EIF2AK2: variants seen among roughly 807,000 people sequenced by gnomAD.
EIF2AK2 encodes the protein interferon-induced, double-stranded RNA-activated protein kinase.
In EIF2AK2, 40 loss-of-function variants were observed where a neutral mutation model predicts 70.5. That is an observed-to-expected ratio of 0.57 (90% CI 0.44 to 0.74). The LOEUF (loss-of-function observed/expected upper bound fraction) is 0.74. EIF2AK2 is among the 30% of genes least tolerant of loss of function. The probability of loss-of-function intolerance (pLI) is 0.00; values close to 1 mark genes in which losing one functional copy is unlikely to be tolerated. For synonymous variants in EIF2AK2, 198 were observed against 220.9 expected, an observed-to-expected ratio of 0.90 and a Z score of 0.92; for missense variants, 555 against 644.3, an observed-to-expected ratio of 0.86 and a Z score of 1.50.
rs147346283 is a variant in EIF2AK2, at chr2:37,155,356, G to A, written c.-184+1552C>T. 1.0e-2 allele frequency among the ~76,000 whole-genome samples: 1,518 copies of A among 152,292 alleles called. 30 individuals are homozygous for A. The highest frequency in any genetic ancestry group is 0.034 in the African/African-American group (1,426 of 41,558). ...ATGAATTACTACAGGTAAGGGACCA[G>A]GCTCAATAATGAATGAGTGAGTACC... On this transcript the variant is annotated intron_variant, in intron 1 of 16. Transcript: ENST00000233057.
chr2:37,148,257 ACTACATGTTT>A (rs1675623417), intron 2 of EIF2AK2, among the ~76,000 whole-genome samples: 1 of 152,214 alleles, frequency 6.6e-6, no homozygotes, highest in African/African-American at 2.4e-5. Context: ...CTGAGTATCA[ACTACATGTTT>A]GCCTACCTGC....
intron 4 of EIF2AK2, 46 bp downstream of exon 4, chr2:37,146,807 T>C (rs1293862989): frequency 6.3e-6 from 10 of 1,587,126 alleles, no homozygotes; most frequent in African/African-American, 2.8e-5. Flanking sequence ...AAACAGAAAA[T>C]GTATTTGCAA....
chr2:37,139,869 TTAGA>T (rs1675268615), intron 5 of EIF2AK2, 112 bp from the exon 6 acceptor site: 1 of 1,088,366 alleles, frequency 9.2e-7, no homozygotes, highest in Non-Finnish European at 1.3e-6. Context: ...CACCAATTTA[TTAGA>T]TAGATTTATA....
At position 37,128,903 on chromosome 2, in the gene EIF2AK2, G is replaced by A. The variant is rs371429890; in HGVS notation, c.786-2492C>T. Among the ~76,000 whole-genome samples, 33 of 152,254 alleles carry A rather than the reference G, an allele frequency of 2.2e-4. No homozygotes were observed. In the East Asian group the frequency reaches 4.8e-3, roughly 22 times the overall value. ...AAATGCCCATAAGGCAGTTAATTAT[G>A]AAAAGCTCAGAGAAATTACACAAGA... On this transcript the variant is annotated intron_variant, in intron 10 of 16. Transcript: ENST00000233057.
At position 37,104,921 on chromosome 2, in the gene EIF2AK2, G is replaced by A. The variant is rs1673917151; in HGVS notation, c.*2352C>T. The A allele has an allele frequency of 6.6e-6, 1 of 152,220 alleles. No homozygotes were observed. The highest frequency in any genetic ancestry group is 2.1e-4 in the South Asian group (1 of 4,834). 9.4% of individuals were successfully genotyped at this position (152,220 alleles called of 1,614,324 possible). On this transcript the variant is annotated 3_prime_UTR_variant, in exon 17 of 17. Transcript: ENST00000233057. ...TGCTAAATTGAATCACTTGGTTATT[G>A]TGGTGACCATTGTAAAGGTACATTT...
In EIF2AK2 at chr2:37,141,583, T is replaced by G; in HGVS notation, c.359A>C (p.Gln120Pro). ...QKKRLTVNYE[Q>P]CASGVHGPEG... ...TGGCCCATGCACCCCCGATGCACAC[T>G]GTTCATAATTTACAGTTAGTCTTTT... Residue 120 changes from glutamine (Q) to proline (P), a missense_variant, in exon 5 of 17, where the codon CAG becomes CCG. Gln to Pro is a moderately conservative substitution (Grantham distance 76, BLOSUM62 -1). Transcript: ENST00000233057. 1 of 1,614,038 alleles carries G rather than the reference T, an allele frequency of 6.2e-7. No individual in the cohort carries two copies. Among genetic ancestry groups the G allele is most frequent in the Non-Finnish European group, 8.5e-7 (1 of 1,179,990 alleles).
intron 2 of EIF2AK2, chr2:37,148,533 A>G: frequency 1.5e-6 from 1 of 685,200 alleles, no homozygotes; most frequent in Non-Finnish European, 2.7e-6. Flanking sequence ...ATCAACAATG[A>G]TGGATCGATA....
chr2:37,121,954 T>G (rs181723425), intron 12 of EIF2AK2, among the ~76,000 whole-genome samples: 1 of 152,196 alleles, frequency 6.6e-6, no homozygotes, highest in Non-Finnish European at 1.5e-5. Flanking sequence ...TCCAGTTGTT[T>G]GGCAATGGCT....
At chr2:37,154,653 C>T (rs958520268) in intron 1 of EIF2AK2, among the ~76,000 whole-genome samples, 13 of 152,040 alleles carry the variant, frequency 8.6e-5, no homozygotes, top group Non-Finnish European at 1.5e-4. Flanking sequence ...CTCTGCCTCC[C>T]GGGTTCAAGC....
rs1673798421 is a variant in EIF2AK2, at chr2:37,100,385, A to G, written c.*6888T>C. 6.6e-6 allele frequency: 1 copy of G among 152,248 alleles called. No homozygotes were observed. Among genetic ancestry groups the G allele is most frequent in the Admixed American group, 6.5e-5 (1 of 15,282 alleles). 9.4% of individuals were successfully genotyped at this position (152,248 alleles called of 1,614,324 possible). On this transcript the variant is annotated 3_prime_UTR_variant, in exon 17 of 17. Transcript: ENST00000233057. ...TAAATGTGTGTTGTTTTAAACCACC[A>G]AGTTTGTGGTAATTTGTTAGTTATA...
intron 2 of EIF2AK2, 101 bp from the exon 3 acceptor site, chr2:37,147,923 C>T (rs1458229440): frequency 7.6e-6 from 5 of 656,676 alleles, no homozygotes; most frequent in South Asian, 6.0e-5. Flanking sequence ...GGAGACTCCC[C>T]TTTATAGGAC....
At chr2:37,125,742 A>G (rs908735461) in intron 11 of EIF2AK2, among the ~76,000 whole-genome samples, 14 of 152,248 alleles carry the variant, frequency 9.2e-5, no homozygotes, top group Non-Finnish European at 4.4e-5. Context: ...CCAGATGAGC[A>G]CAATCAACCC....
intron 1 of EIF2AK2, among the ~76,000 whole-genome samples, chr2:37,153,257 C>G (rs1017080849): frequency 2.0e-5 from 3 of 151,626 alleles, no homozygotes; most frequent in Non-Finnish European, 4.4e-5. Flanking sequence ...ACATCCACAA[C>G]TCTTAATCTT....
intron 1 of EIF2AK2, 47 bp from the exon 2 acceptor site, chr2:37,149,070 TCAGA>T (rs1675654800): frequency 1.0e-6 from 1 of 985,572 alleles, no homozygotes; most frequent in Non-Finnish European, 1.6e-6. Context: ...AACCGCTGGT[TCAGA>T]CAGACGAGTG....
intron 10 of EIF2AK2, among the ~76,000 whole-genome samples, chr2:37,130,749 C>A (rs1423615895): frequency 6.6e-6 from 1 of 152,208 alleles, no homozygotes. Context: ...CTCACTATTT[C>A]GGTCAGGCAC....
chr2:37,104,995 G>A lies in EIF2AK2; in HGVS notation c.*2278C>T, dbSNP rs1432334500. ...TCTGTAGGATTATATTTAAATCCTTGTAGAAGATCCTATTCCACAATAGCT... is the reference window on the plus strand; with the variant it reads ...TCTGTAGGATTATATTTAAATCCTTATAGAAGATCCTATTCCACAATAGCT... On this transcript the variant is annotated 3_prime_UTR_variant, in exon 17 of 17. Coordinates refer to ENST00000233057, the MANE Select transcript of EIF2AK2 (RefSeq NM_001135651.3). The A allele has an allele frequency of 6.6e-6, 1 of 152,182 alleles. No homozygotes were observed. Among genetic ancestry groups the A allele is most frequent in the Non-Finnish European group, 1.5e-5 (1 of 68,036 alleles). 9.4% of individuals were successfully genotyped at this position (152,182 alleles called of 1,614,324 possible).
Position 37,139,701 on chromosome 2 carries a change from G to A in EIF2AK2, c.446C>T (p.Thr149Ile). ...QKEYSIGTGS[T>I]KQEAKQLAAK... is the part of the protein sequence containing the mutation. ...GGCCAATTGTTTTGCTTCCTGTTTAGTAGAACCTGTACCAATACTATATTC... is the reference window on the plus strand; with the variant it reads ...GGCCAATTGTTTTGCTTCCTGTTTAATAGAACCTGTACCAATACTATATTC... The change falls in exon 6 of 17, where the codon ACT (threonine) becomes ATT (isoleucine). Residue 149 changes from threonine (T) to isoleucine (I), a missense_variant. Thr to Ile is a moderately conservative substitution (Grantham distance 89). Around this residue, in one of 3 missense-constraint regions of EIF2AK2, gnomAD observed 208 missense variants for 191.8 expected, o/e 1.08. Transcript: ENST00000233057. 1 of 1,613,964 alleles carries A rather than the reference G, an allele frequency of 6.2e-7. No homozygotes were observed. Among genetic ancestry groups the A allele is most frequent in the Non-Finnish European group, 8.5e-7 (1 of 1,179,946 alleles).
chr2:37,136,021 T>G (rs1675115876), intron 9 of EIF2AK2, among the ~76,000 whole-genome samples: 1 of 152,226 alleles, frequency 6.6e-6, no homozygotes, highest in Non-Finnish European at 1.5e-5. Context: ...TTTTCCACCT[T>G]AGAGTGCTCA....
At chr2:37,134,535 T>C (rs1417529367) in intron 10 of EIF2AK2, among the ~76,000 whole-genome samples, 2 of 152,204 alleles carry the variant, frequency 1.3e-5, no homozygotes, top group Non-Finnish European at 2.9e-5. Flanking sequence ...GTGCTGCCCC[T>C]AGCGCCCACC....
Sources: allele counts gnomAD v4.1 joint callset (sites outside exome capture counted in the v4.1 genomes callset), GRCh38; gene constraint gnomAD v4.1.1; regional missense constraint gnomAD v4.1.1; transcripts MANE v1.5; gene names NCBI Gene and HGNC (gene_info 2026-07-23, HGNC 2026-07-21).